Variants in HSPG2 observed in about 807,000 individuals in gnomAD.
HSPG2 encodes the protein basement membrane-specific heparan sulfate proteoglycan core protein.
A neutral mutation model predicts 526.6 loss-of-function variants in HSPG2; 278 were observed. That is an observed-to-expected ratio of 0.53 (90% CI 0.48 to 0.58). The LOEUF (loss-of-function observed/expected upper bound fraction) is 0.58, where lower values mean the gene tolerates loss of function less well. HSPG2 is among the 20% of genes least tolerant of loss of function. The pLI, the probability that HSPG2 is intolerant of heterozygous loss-of-function variation, is 0.00. For missense variants in HSPG2, 5,354 were observed against 6,099.5 expected (o/e 0.88, Z 4.07); for synonymous variants, 2,465 against 2,555.4 (o/e 0.96, Z 1.07).
intron 6 of HSPG2, chr1:21,889,731 T>G: frequency 1.8e-6 from 1 of 556,576 alleles, no homozygotes. Context: ...AAAGGCCTGA[T>G]TACCTATTGT....
intron 10 of HSPG2, 33 bp from the exon 11 acceptor site, chr1:21,885,190 G>A (rs1039269233): frequency 2.5e-6 from 4 of 1,600,926 alleles, no homozygotes; most frequent in Non-Finnish European, 2.6e-6. Context: ...GAGGGGTCGG[G>A]GGCAAAGGAA....
At position 21,844,190 on chromosome 1, in the gene HSPG2, G is replaced by A. The variant is rs1193299964; in HGVS notation, c.8574C>T (p.Val2858=). ...CVVPGQAHAQ[V]TWHKRGGNLP... is the part of the protein sequence containing the mutation. ...GGTTTCCTCCACGCTTGTGCCACGT[G>A]ACCTGGGCGTGGGCCTGCCCGGGCA... The change falls in exon 65 of 97, where the codon GTC becomes GTT. Residue 2858 remains valine (V), a synonymous_variant. Coordinates refer to ENST00000374695, the MANE Select transcript of HSPG2 (RefSeq NM_005529.7). The A allele has an allele frequency of 1.9e-6, 3 of 1,613,798 alleles. No homozygotes were observed. The highest frequency in any genetic ancestry group is 1.7e-4 in the Middle Eastern group (1 of 5,956).
At position 21,880,751 on chromosome 1, in the gene HSPG2, C is replaced by G. The variant is rs558525559; in HGVS notation, c.1903G>C (p.Val635Leu). Reference protein sequence around the residue: ...GMLEPVQRPDVVLMGAGYRLL... With the variant: ...GMLEPVQRPDLVLMGAGYRLL... ...CGGTACCCGGCACCCATGAGGACCA[C>G]GTCCGGCCGCTGCACTGGCTCCAGC... The change falls in exon 15 of 97, where the codon GTG (valine) becomes CTG (leucine). Residue 635 changes from valine to leucine, a missense_variant. By Grantham distance (32) the Val-to-Leu change is conservative (BLOSUM62 1). Coordinates refer to ENST00000374695, the MANE Select transcript of HSPG2 (RefSeq NM_005529.7). The G allele has an allele frequency of 6.2e-7, 1 of 1,600,022 alleles. No homozygotes were observed. The highest frequency in any genetic ancestry group is 8.5e-7 in the Non-Finnish European group (1 of 1,173,990).
intron 25 of HSPG2, among the ~76,000 whole-genome samples, chr1:21,875,427 T>C (rs1640976326): frequency 6.6e-6 from 1 of 152,014 alleles, no homozygotes; most frequent in African/African-American, 2.4e-5. Context: ...TGCACCCCAA[T>C]CCCCGTCTCA....
chr1:21,837,120 C>G, intron 74 of HSPG2, 114 bp from the exon 75 acceptor site: 1 of 954,410 alleles, frequency 1.0e-6, no homozygotes, highest in Non-Finnish European at 1.6e-6. Context: ...CTCCTGATAG[C>G]CTCTCTGACC....
In HSPG2 at chr1:21,872,912, C is replaced by T; in HGVS notation, c.3888+85G>A. On this transcript the variant is annotated intron_variant, in intron 31 of 96. Coordinates refer to ENST00000374695, the MANE Select transcript of HSPG2 (RefSeq NM_005529.7). This position sits in a 1 kb window ranked among gnomAD's most constrained non-coding sequence, Gnocchi z 5.5. ...CCTGCCCCCCATGCCCAGGTCTCGG[C>T]TTCCACCAGATGCTGCCTGATTTCC... 1 of 1,549,908 alleles carries T rather than the reference C, an allele frequency of 6.5e-7. No homozygotes were observed.
chr1:21,872,868 C>T lies in HSPG2; in HGVS notation c.3889-108G>A, dbSNP rs1322651917. On this transcript the variant is annotated intron_variant, in intron 31 of 96. Transcript: ENST00000374695. This position sits in a 1 kb window ranked among gnomAD's most constrained non-coding sequence, Gnocchi z 5.5. ...CCACTTCCAGCAGCCCCGGGCAGCC[C>T]CTGCCCTGTCCCCCATGCCCTGCCC... The T allele has an allele frequency of 2.0e-6, 3 of 1,533,502 alleles. No individual in the cohort carries two copies. Among genetic ancestry groups the T allele is most frequent in the East Asian group, 2.3e-5 (1 of 43,778 alleles). The allele number at this position is 1,533,502 out of a possible 1,614,324, so 95.0% of individuals were successfully genotyped here.
intron 42 of HSPG2, among the ~76,000 whole-genome samples, chr1:21,857,619 A>G (rs1247621294): frequency 6.6e-6 from 1 of 152,046 alleles, no homozygotes; most frequent in African/African-American, 2.4e-5. Context: ...CCATGGGTCC[A>G]CTTGGCTCCA....
intron 66 of HSPG2, 112 bp from the exon 67 acceptor site, chr1:21,843,033 G>A: frequency 8.0e-7 from 1 of 1,245,908 alleles, no homozygotes; most frequent in Admixed American, 1.9e-5. Flanking sequence ...GCGGTGGCTT[G>A]AGAGTGGCTG....
chr1:21,928,310 A>G (rs1644257786), intron 1 of HSPG2, among the ~76,000 whole-genome samples: 1 of 152,262 alleles, frequency 6.6e-6, no homozygotes, highest in African/African-American at 2.4e-5. Context: ...GGCCCTGCAG[A>G]GAGCATGGCT....
At chr1:21,934,531 G>A (rs1318658352) in intron 1 of HSPG2, among the ~76,000 whole-genome samples, 1 of 152,084 alleles carries the variant, frequency 6.6e-6, no homozygotes, top group East Asian at 1.9e-4. Context: ...CACTTTAGGA[G>A]ACCGAGGCGA....
At position 21,890,655 on chromosome 1, in the gene HSPG2, T is replaced by A. The variant is rs1056004722; in HGVS notation, c.284A>T (p.Glu95Val). Residue 95 changes from glutamate (E) to valine (V), a missense_variant, in exon 4 of 97, where the codon GAG (glutamate) becomes GTG (valine). Glu to Val is a moderately radical substitution (Grantham distance 121, BLOSUM62 -2). Transcript: ENST00000374695. The surrounding 1 kb of genome is among the most constrained non-coding windows in gnomAD (Gnocchi z 4.1). Reference sequence around the variant, plus strand: ...TGCATCCTCCAGCTGAGGGCTGTACTCGATGGAGCGAGTGAAATTCACCAG... The same window carrying A: ...TGCATCCTCCAGCTGAGGGCTGTACACGATGGAGCGAGTGAAATTCACCAG... ...RALVNFTRSIEYSPQLEDAGS... is the reference protein window; with the variant it reads ...RALVNFTRSIVYSPQLEDAGS... 2.5e-6 allele frequency: 4 copies of A among 1,613,938 alleles called. No individual in the cohort carries two copies. In the Admixed American group the frequency reaches 5.0e-5, roughly 20 times the overall value.
Position 21,937,145 on chromosome 1 carries a change from G to A in HSPG2, c.63+10C>T, listed in dbSNP as rs1359770626. Reference sequence around the variant, plus strand: ...CCCCCGCCCCCCGCCCCTCTGCCCCGCACACTCACCGCCAGCAGCCGCCCG... The same window carrying A: ...CCCCCGCCCCCCGCCCCTCTGCCCCACACACTCACCGCCAGCAGCCGCCCG... On this transcript the variant is annotated intron_variant, in intron 1 of 96. Transcript: ENST00000374695. 8 of 365,984 alleles carry A rather than the reference G, an allele frequency of 2.2e-5. No individual in the cohort carries two copies. Among genetic ancestry groups the A allele is most frequent in the Middle Eastern group, 1.1e-3 (1 of 924 alleles). The allele number at this position is 365,984 out of a possible 1,614,324, so 22.7% of individuals were successfully genotyped here.
Position 21,874,552 on chromosome 1 carries a change from A to T in HSPG2, c.3529-19T>A, listed in dbSNP as rs759165365. On this transcript the variant is annotated intron_variant, in intron 27 of 96. Transcript: ENST00000374695. ...GGCAGCCCTGGAGGAGCAGGATGTGAGTTGAGGCTGGGCCTCCAGAGGCCA... is the reference window on the plus strand; with the variant it reads ...GGCAGCCCTGGAGGAGCAGGATGTGTGTTGAGGCTGGGCCTCCAGAGGCCA... 43 of 1,613,448 alleles carry T rather than the reference A, an allele frequency of 2.7e-5. No individual in the cohort carries two copies. Among genetic ancestry groups the T allele is most frequent in the Non-Finnish European group, 3.6e-5 (42 of 1,179,826 alleles).
intron 1 of HSPG2, among the ~76,000 whole-genome samples, chr1:21,909,648 G>A (rs934886318): frequency 6.6e-6 from 1 of 152,228 alleles, no homozygotes; most frequent in African/African-American, 2.4e-5. Context: ...AGGGGCAGAG[G>A]CTACAGTGAT....
Position 21,852,087 on chromosome 1 carries a change from C to A in HSPG2, c.6870+1G>T. 1 of 1,613,414 alleles carries A rather than the reference C, an allele frequency of 6.2e-7. No individual in the cohort carries two copies. The highest frequency in any genetic ancestry group is 8.5e-7 in the Non-Finnish European group (1 of 1,180,028). ...CGTCCCACATTCTTGGTGCCCTGTA[C>A]CTGGTGCCGGGCAGGGAGGCTGCCC... On this transcript the variant is annotated splice_donor_variant, in intron 53 of 96. Coordinates refer to ENST00000374695, the MANE Select transcript of HSPG2 (RefSeq NM_005529.7). LOFTEE classifies it high-confidence loss of function.
At chr1:21,924,528 G>A (rs1292683260) in intron 1 of HSPG2, among the ~76,000 whole-genome samples, 1 of 151,998 alleles carries the variant, frequency 6.6e-6, no homozygotes, top group African/African-American at 2.4e-5. Context: ...AGAACTCAGG[G>A]TCCCTTTCTT....
rs1461968058 is a variant in HSPG2, at chr1:21,922,967, C to A, written c.63+14188G>T. Reference sequence around the variant, plus strand: ...GATGTTTCCCCCATCCCGCCCCCACCCCGACCCCAGAAGGCGGGGAGGGAA... The same window carrying A: ...GATGTTTCCCCCATCCCGCCCCCACACCGACCCCAGAAGGCGGGGAGGGAA... On this transcript the variant is annotated intron_variant, in intron 1 of 96. Transcript: ENST00000374695. 2.6e-5 allele frequency among the ~76,000 whole-genome samples: 4 copies of A among 152,218 alleles called. No individual in the cohort carries two copies. The East Asian group carries it at 7.7e-4, about 29-fold the overall frequency.
intron 23 of HSPG2, 45 bp from the exon 24 acceptor site, chr1:21,876,087 G>T (rs1641042150): frequency 1.2e-6 from 2 of 1,604,826 alleles, no homozygotes; most frequent in Admixed American, 1.7e-5. Flanking sequence ...CTGAATTCGG[G>T]CCCTGTCACT....
Sources: gnomAD v4.1 joint callset for allele counts (sites outside exome capture counted in the v4.1 genomes callset) on GRCh38, gnomAD v4.1.1 for gene constraint, Gnocchi (gnomAD v3.1) non-coding constraint, MANE v1.5 for transcripts, NCBI Gene and HGNC (gene_info 2026-07-23, HGNC 2026-07-21) for gene names.